CD33: variants seen among roughly 807,000 people sequenced by gnomAD.
CD33 encodes CD33 molecule, also known as myeloid cell surface antigen CD33.
CD33 carries 25 observed loss-of-function variants against 31.4 expected under a neutral mutation model. The ratio of observed to expected loss-of-function variants is 0.80; its 90% CI spans 0.58 to 1.11. The LOEUF (loss-of-function observed/expected upper bound fraction) is 1.11, where lower values mean the gene tolerates loss of function less well. CD33 is among the 50% of genes most tolerant of loss of function. The pLI, the probability that CD33 is intolerant of heterozygous loss-of-function variation, is 0.00. For missense variants in CD33, 407 were observed against 448.1 expected (o/e 0.91, Z 0.83); for synonymous variants, 176 against 180.6 (o/e 0.97, Z 0.20).
rs375244034 is a variant in CD33, at chr19:51,239,513, A to T, written c.925-5A>T. ...GCTCTAACCCCCTTCTTTCCTCTCC[A>T]TAAGAAACACCAGAAGAAGTCCAAG... On this transcript the variant is annotated splice_polypyrimidine_tract_variant and splice_region_variant and intron_variant, in intron 6 of 6. Coordinates refer to ENST00000262262, the MANE Select transcript of CD33 (RefSeq NM_001772.4). 1.3e-5 allele frequency: 20 copies of T among 1,594,070 alleles called. No individual in the cohort carries two copies. Among genetic ancestry groups the T allele is most frequent in the Non-Finnish European group, 1.7e-5 (20 of 1,169,904 alleles).
upstream of CD33, among the ~76,000 whole-genome samples, chr19:51,224,235 G>A (rs1478461121): frequency 6.6e-6 from 1 of 152,152 alleles, no homozygotes; most frequent in African/African-American, 2.4e-5. Flanking sequence ...GTGTGTGTCT[G>A]TACCCATACA....
At chr19:51,219,889 C>T in the CD33 span, among the ~76,000 whole-genome samples, 1 of 152,052 alleles carries the variant, frequency 6.6e-6, no homozygotes, top group Non-Finnish European at 1.5e-5. Flanking sequence ...TTGATCGTGA[C>T]GAATTATCTT....
the CD33 span, among the ~76,000 whole-genome samples, chr19:51,215,854 C>T: frequency 6.6e-6 from 1 of 152,186 alleles, no homozygotes; most frequent in Non-Finnish European, 1.5e-5. Flanking sequence ...CTCACCTCCT[C>T]CCTGGTCACT....
At chr19:51,212,187 G>C in the CD33 span, 2 of 402,240 alleles carry the variant, frequency 5.0e-6, no homozygotes, top group African/African-American at 4.2e-5. Context: ...TGGCTGAGTA[G>C]AAGACCTAGG....
At chr19:51,236,040 C>G (rs2123307292) in intron 6 of CD33, 1 of 554,536 alleles carries the variant, frequency 1.8e-6, no homozygotes, top group Admixed American at 2.8e-5. Flanking sequence ...CGCCTGTAGT[C>G]CCAGCTACTT....
intron 4 of CD33, among the ~76,000 whole-genome samples, chr19:51,229,984 T>A (rs1434038912): frequency 6.6e-6 from 1 of 152,176 alleles, no homozygotes; most frequent in African/African-American, 2.4e-5. Flanking sequence ...TTTGTCTAAT[T>A]GTTTGATGTA....
chr19:51,219,107 T>G, the CD33 span, among the ~76,000 whole-genome samples: 1 of 152,216 alleles, frequency 6.6e-6, no homozygotes, highest in African/African-American at 2.4e-5. Context: ...GTAGATTGCT[T>G]TGGGCAGTAC....
the CD33 span, among the ~76,000 whole-genome samples, chr19:51,214,973 A>G: frequency 6.6e-6 from 1 of 152,198 alleles, no homozygotes; most frequent in Non-Finnish European, 1.5e-5. Flanking sequence ...CTTATGTTCA[A>G]TATGGACACA....
chr19:51,225,516 T>C lies in CD33; in HGVS notation c.336T>C (p.Asp112=). 2 of 1,610,314 alleles carry C rather than the reference T, an allele frequency of 1.2e-6. No homozygotes were observed. The highest frequency in any genetic ancestry group is 1.7e-6 in the Non-Finnish European group (2 of 1,178,128). The change falls in exon 2 of 7, where the codon GAT becomes GAC. Residue 112 remains aspartate, a synonymous_variant. Transcript: ENST00000262262. ...GCATCGTAGACGCCAGGAGGAGGGA[T>C]AATGGTTCATACTTCTTTCGGATGG... is the stretch of plus-strand genomic sequence containing the variant. ...SLSIVDARRR[D]NGSYFFRMER...
At chr19:51,211,646 G>A in the CD33 span, 4 of 1,235,524 alleles carry the variant, frequency 3.2e-6, no homozygotes, top group Admixed American at 2.3e-5. Flanking sequence ...CTCAGGACAG[G>A]GCTTGGGATG....
chr19:51,227,257 A>G (rs887606102), intron 4 of CD33, among the ~76,000 whole-genome samples: 3 of 152,152 alleles, frequency 2.0e-5, no homozygotes, highest in Non-Finnish European at 4.4e-5. Flanking sequence ...GCTGGATCAT[A>G]TGGTAGTTCT....
the CD33 span, among the ~76,000 whole-genome samples, chr19:51,214,518 G>A: frequency 6.6e-6 from 1 of 152,148 alleles, no homozygotes; most frequent in Non-Finnish European, 1.5e-5. Flanking sequence ...TTTAAAAGAT[G>A]TATAGCCTAA....
In CD33 at chr19:51,226,019, G is replaced by C. The variant is rs765958667; in HGVS notation, c.635G>C (p.Cys212Ser). Residue 212 changes from cysteine to serine, a missense_variant, in exon 3 of 7, where the codon TGT becomes TCT. By Grantham distance (112) the Cys-to-Ser change is moderately radical. Coordinates refer to ENST00000262262, the MANE Select transcript of CD33 (RefSeq NM_001772.4). The part of the protein sequence containing the change: ...RPQDHGTNLT[C>S]QVKFAGAGVT... ...CAGGACCACGGCACCAACCTGACCT[G>C]TCAGGTGAAGTTCGCTGGAGCTGGT... 13 of 1,614,088 alleles carry C rather than the reference G, an allele frequency of 8.1e-6. No individual in the cohort carries two copies. Among genetic ancestry groups the C allele is most frequent in the Non-Finnish European group, 1.0e-5 (12 of 1,179,990 alleles).
the CD33 span, chr19:51,211,209 G>C: frequency 6.3e-7 from 1 of 1,574,922 alleles, no homozygotes; most frequent in Non-Finnish European, 8.6e-7. Flanking sequence ...TCCCCACAGG[G>C]GCCCTGGCTA....
At chr19:51,223,842 A>G (rs1010546736), upstream of CD33, among the ~76,000 whole-genome samples, 5 of 152,212 alleles carry the variant, frequency 3.3e-5, no homozygotes, top group Non-Finnish European at 2.9e-5. Context: ...AAAATTTCCA[A>G]TATGCTACCA....
upstream of CD33, among the ~76,000 whole-genome samples, chr19:51,224,435 G>A (rs1980842560): frequency 6.6e-6 from 1 of 152,172 alleles, no homozygotes; most frequent in African/African-American, 2.4e-5. Flanking sequence ...TCTTATCTGT[G>A]TTTCACTGTC....
chr19:51,218,584 T>C, the CD33 span, among the ~76,000 whole-genome samples: 1 of 152,226 alleles, frequency 6.6e-6, no homozygotes, highest in Non-Finnish European at 1.5e-5. Context: ...GAGATCTTAG[T>C]TGTGAATTCT....
intron 5 of CD33, 163 bp from the exon 6 acceptor site, chr19:51,235,432 T>C: frequency 2.2e-6 from 3 of 1,351,622 alleles, no homozygotes; most frequent in Non-Finnish European, 3.0e-6. Context: ...ATCTCAGATG[T>C]CCAAGGAGTG....
rs1035783987 is a variant in CD33 at position 51,235,204 on chromosome 19, G to C, written c.793G>C (p.Ala265Pro). ...AGTGGTTCATGGGGCCATTGGAGGA[G>C]CTGGTGTTACAGCCCTGCTCGCTCT... is the stretch of plus-strand genomic sequence containing the variant. ...AGVVHGAIGG[A>P]GVTALLALCL... Residue 265 changes from alanine (A) to proline (P), a missense_variant, in exon 5 of 7, where the codon GCT becomes CCT. Ala to Pro is a conservative substitution (Grantham distance 27). Transcript: ENST00000262262. 3.8e-5 allele frequency: 61 copies of C among 1,614,078 alleles called. No homozygotes were observed. The highest frequency in any genetic ancestry group is 4.7e-5 in the Non-Finnish European group (55 of 1,180,030).
Sources: gnomAD v4.1 joint callset for allele counts (sites outside exome capture counted in the v4.1 genomes callset) on GRCh38, gnomAD v4.1.1 for gene constraint, MANE v1.5 for transcripts, NCBI Gene and HGNC (gene_info 2026-07-23, HGNC 2026-07-21) for gene names.